The following UBR3 variants were observed in gnomAD, a reference collection of about 807,000 sequenced individuals.
The protein encoded by UBR3 is ubiquitin protein ligase E3 component n-recognin 3, also known as E3 ubiquitin-protein ligase UBR3.
In UBR3, 85 loss-of-function variants were observed where a neutral mutation model predicts 243.2. That is an observed-to-expected ratio of 0.35 (90% CI 0.29 to 0.42). UBR3 has a LOEUF of 0.42. Ranked by LOEUF, UBR3 falls within the 10% of genes least tolerant of loss-of-function variation. The pLI is 1.00. For synonymous variants in UBR3, 748 were observed against 799.8 expected (o/e 0.94, Z 1.09); for missense variants, 1,686 against 2,300.8 (o/e 0.73, Z 5.47).
intron 18 of UBR3, among the ~76,000 whole-genome samples, chr2:169,930,665 G>C (rs769626203): frequency 6.6e-6 from 1 of 152,180 alleles, no homozygotes; most frequent in Non-Finnish European, 1.5e-5. Flanking sequence ...GATTGCAGGT[G>C]TGAACCGCCA....
chr2:169,868,291 C>G (rs1254679697), intron 1 of UBR3, among the ~76,000 whole-genome samples: 1 of 152,176 alleles, frequency 6.6e-6, no homozygotes. Context: ...TAGAGCGTTT[C>G]ATCTGTAAAT....
intron 1 of UBR3, among the ~76,000 whole-genome samples, chr2:169,836,256 A>G (rs2082110866): frequency 1.3e-5 from 2 of 149,236 alleles, no homozygotes; most frequent in South Asian, 4.3e-4. Flanking sequence ...GCTAATTTTC[A>G]TATTTTTAGT....
rs530736063 is a variant in UBR3, at chr2:169,910,066, G to T, written c.1779+3902G>T. Reference sequence around the variant, plus strand: ...AGAGATCAGAGTTAGCTTTAAATAGGTTAAGTTTGAGATGTCCGTGAAATG... The same window carrying T: ...AGAGATCAGAGTTAGCTTTAAATAGTTTAAGTTTGAGATGTCCGTGAAATG... On this transcript the variant is annotated intron_variant, in intron 10 of 38. Coordinates refer to ENST00000272793, the MANE Select transcript of UBR3 (RefSeq NM_172070.4). Among the ~76,000 whole-genome samples the T allele has an allele frequency of 1.8e-4, 27 of 152,188 alleles. No homozygotes were observed. The South Asian group carries it at 4.8e-3, about 27-fold the overall frequency.
chr2:169,969,135 G>A (rs961773038), intron 24 of UBR3, among the ~76,000 whole-genome samples: 3 of 152,152 alleles, frequency 2.0e-5, no homozygotes, highest in African/African-American at 7.2e-5. Flanking sequence ...CTCTCATACT[G>A]TAGGTTGTCT....
At chr2:169,987,822 T>A (rs549345033) in intron 25 of UBR3, among the ~76,000 whole-genome samples, 31 of 152,252 alleles carry the variant, frequency 2.0e-4, no homozygotes, top group African/African-American at 7.2e-4. Context: ...GTGGAAAGAG[T>A]TAGATATTAG....
At chr2:169,874,540 A>G (rs1293873387) in intron 2 of UBR3, among the ~76,000 whole-genome samples, 1 of 152,192 alleles carries the variant, frequency 6.6e-6, no homozygotes, top group Non-Finnish European at 1.5e-5. Flanking sequence ...TGCAATAACC[A>G]ATCCAAGGTA....
At chr2:169,882,903 A>G (rs116538142) in intron 5 of UBR3, among the ~76,000 whole-genome samples, 2,958 of 152,314 alleles carry the variant, frequency 0.019, 107 homozygotes, top group African/African-American at 0.065. Flanking sequence ...TGAATTCCAT[A>G]GAATTAACTG....
At chr2:169,994,191 G>T in intron 25 of UBR3, 132 bp from the exon 26 acceptor site, 1 of 1,018,678 alleles carries the variant, frequency 9.8e-7, no homozygotes, top group Admixed American at 2.7e-5. Flanking sequence ...CCACTTTTTT[G>T]AGGGGTCTTT....
intron 1 of UBR3, among the ~76,000 whole-genome samples, chr2:169,870,758 A>G (rs1026352270): frequency 1.3e-4 from 19 of 151,732 alleles, no homozygotes; most frequent in African/African-American, 4.4e-4. Flanking sequence ...GGTTCAAGCG[A>G]TTCTCCTGCC....
intron 1 of UBR3, among the ~76,000 whole-genome samples, chr2:169,864,625 C>T (rs994454727): frequency 5.9e-5 from 9 of 151,736 alleles, no homozygotes; most frequent in Admixed American, 2.0e-4. Context: ...AAAAGAAGGC[C>T]GGGCGCGGTG....
chr2:170,068,150 C>T (rs562319619), intron 35 of UBR3, among the ~76,000 whole-genome samples: 2 of 151,942 alleles, frequency 1.3e-5, no homozygotes, highest in South Asian at 2.1e-4. Flanking sequence ...TTCTTAGAGG[C>T]GTATTTATCA....
Position 169,896,659 on chromosome 2 carries a change from A to G in UBR3, c.1389A>G (p.Glu463=). 1 of 1,551,372 alleles carries G rather than the reference A, an allele frequency of 6.4e-7. No individual in the cohort carries two copies. The highest frequency in any genetic ancestry group is 8.7e-7 in the Non-Finnish European group (1 of 1,146,816). ...NEELARQVTE[E]CQLLDIMVTV... ...AGCTAGCCAGACAGGTAACAGAAGA[A>G]TGTCAGCTGCTGGATATTATGGTCA... Residue 463 remains glutamate (E), a synonymous_variant, in exon 8 of 39, where the codon GAA becomes GAG. Coordinates refer to ENST00000272793, the MANE Select transcript of UBR3 (RefSeq NM_172070.4).
chr2:169,879,765 A>T (rs2083751979), intron 5 of UBR3, among the ~76,000 whole-genome samples: 1 of 152,244 alleles, frequency 6.6e-6, no homozygotes, highest in African/African-American at 2.4e-5. Context: ...AAAATAGAGT[A>T]ATTTAAAAAA....
At chr2:170,035,477 T>C (rs1398138447) in intron 31 of UBR3, among the ~76,000 whole-genome samples, 3 of 152,022 alleles carry the variant, frequency 2.0e-5, no homozygotes, top group Admixed American at 6.6e-5. Context: ...ACTATAATTA[T>C]GTGAATCTAT....
At chr2:170,017,695 T>C (rs1447395406) in intron 30 of UBR3, among the ~76,000 whole-genome samples, 1 of 152,074 alleles carries the variant, frequency 6.6e-6, no homozygotes, top group Non-Finnish European at 1.5e-5. Flanking sequence ...CAACTACATC[T>C]TCAAACATTT....
intron 1 of UBR3, among the ~76,000 whole-genome samples, chr2:169,856,615 G>T (rs1164067940): frequency 6.6e-6 from 1 of 152,186 alleles, no homozygotes; most frequent in Non-Finnish European, 1.5e-5. Flanking sequence ...CAGATCACTC[G>T]CAGTCAGGAG....
chr2:170,058,552 A>G lies in UBR3; in HGVS notation c.4786-2527A>G, dbSNP rs532416614. On this transcript the variant is annotated intron_variant, in intron 33 of 38. Coordinates refer to ENST00000272793, the MANE Select transcript of UBR3 (RefSeq NM_172070.4). Reference sequence around the variant, plus strand: ...TTTTTTTTTGACAGGGTCTCACTCTATCGCCCACGTTGGAGTGCAGTGGCA... The same window carrying G: ...TTTTTTTTTGACAGGGTCTCACTCTGTCGCCCACGTTGGAGTGCAGTGGCA... Among the ~76,000 whole-genome samples, 144 of 132,120 alleles carry G rather than the reference A, an allele frequency of 1.1e-3. 2 individuals are homozygous for G. Among genetic ancestry groups the G allele is most frequent in the South Asian group, 9.6e-3 (42 of 4,392 alleles). The allele number at this position is 132,120 out of a possible 152,430, so 86.7% of individuals were successfully genotyped here.
chr2:169,889,936 A>C (rs555557622), intron 5 of UBR3, among the ~76,000 whole-genome samples: 12 of 152,324 alleles, frequency 7.9e-5, no homozygotes, highest in Admixed American at 3.3e-4. Context: ...ACCTGCTACC[A>C]ACACCATTGT....
At chr2:169,883,244 G>A (rs1443005092) in intron 5 of UBR3, among the ~76,000 whole-genome samples, 2 of 152,110 alleles carry the variant, frequency 1.3e-5, no homozygotes, top group African/African-American at 4.8e-5. Flanking sequence ...CACTCATAGG[G>A]CTGATAGTTG....
Sources: gnomAD v4.1 joint callset for allele counts (sites outside exome capture counted in the v4.1 genomes callset) on GRCh38, gnomAD v4.1.1 for gene constraint, MANE v1.5 for transcripts, NCBI Gene and HGNC (gene_info 2026-07-23, HGNC 2026-07-21) for gene names.